Variants in COL13A1 observed in about 807,000 individuals in gnomAD.
COL13A1 encodes collagen type XIII alpha 1 chain.
COL13A1 carries 89 observed loss-of-function variants against 130.9 expected under a neutral mutation model. The ratio of observed to expected loss-of-function variants is 0.68; its 90% CI spans 0.57 to 0.81. The LOEUF (loss-of-function observed/expected upper bound fraction) is 0.81. Ranked by LOEUF, COL13A1 falls within the 30% of genes least tolerant of loss-of-function variation. The probability of loss-of-function intolerance (pLI) is 0.00; values close to 1 mark genes in which losing one functional copy is unlikely to be tolerated. For synonymous variants in COL13A1, 402 were observed against 341.6 expected, an observed-to-expected ratio of 1.18 and a Z score of -1.95; for missense variants, 879 against 934.6, an observed-to-expected ratio of 0.94 and a Z score of 0.78.
At chr10:69,936,117 GA>G (rs2066834930) in intron 32 of COL13A1, among the ~76,000 whole-genome samples, 2 of 81,888 alleles carry the variant, frequency 2.4e-5, no homozygotes, top group Admixed American at 1.2e-4. Flanking sequence ...AGGAAGGAAG[GA>G]AGGAAGGAAA....
chr10:69,810,387 AGT>A (rs1167019038), intron 1 of COL13A1, among the ~76,000 whole-genome samples: 2,383 of 149,396 alleles, frequency 0.016, 31 homozygotes, highest in Non-Finnish European at 0.027. Context: ...AGAGACAGAG[AGT>A]CTGTGTGGCC....
At chr10:69,837,164 C>T (rs951209575) in intron 2 of COL13A1, among the ~76,000 whole-genome samples, 4 of 152,192 alleles carry the variant, frequency 2.6e-5, no homozygotes, top group Admixed American at 2.6e-4. Context: ...GATGTGAGTC[C>T]TTCTCAACAA....
chr10:69,881,403 G>A lies in COL13A1; in HGVS notation c.513+850G>A, dbSNP rs531350932. 3.9e-4 allele frequency among the ~76,000 whole-genome samples: 60 copies of A among 152,296 alleles called. 2 individuals are homozygous for A. In the South Asian group the frequency reaches 0.011, roughly 29 times the overall value. On this transcript the variant is annotated intron_variant, in intron 7 of 40. Coordinates refer to ENST00000645393, the MANE Select transcript of COL13A1 (RefSeq NM_001368882.1). ...CCACCTTCTGCACTTTTCCTGACCC[G>A]CCGTGCTCAGTGAGGGGTGGGAGCA...
At chr10:69,949,840 A>T (rs968729842) in intron 38 of COL13A1, among the ~76,000 whole-genome samples, 1 of 149,610 alleles carries the variant, frequency 6.7e-6, no homozygotes, top group African/African-American at 2.5e-5. Flanking sequence ...CCTGCAAACC[A>T]GCCAGCTGAA....
chr10:69,933,155 A>AAAAAAAAAAAAAAAAAAAAAC (rs2066371502), intron 31 of COL13A1, among the ~76,000 whole-genome samples: 1 of 148,510 alleles, frequency 6.7e-6, no homozygotes, highest in Non-Finnish European at 1.5e-5. Flanking sequence ...AAAAAAAAAA[A>AAAAAAAAAAAAAAAAAAAAAC]AAAAAAAAAA....
chr10:69,823,878 G>A (rs771225253), intron 2 of COL13A1, among the ~76,000 whole-genome samples: 1 of 152,190 alleles, frequency 6.6e-6, no homozygotes, highest in Non-Finnish European at 1.5e-5. Context: ...AATGAGATGG[G>A]GTGGAGGCAA....
At chr10:69,803,081 G>A (rs1347737736) in intron 1 of COL13A1, among the ~76,000 whole-genome samples, 1 of 152,178 alleles carries the variant, frequency 6.6e-6, no homozygotes, top group Non-Finnish European at 1.5e-5. Flanking sequence ...CAGCCGCCCC[G>A]CGCCCGCGCA....
At chr10:69,850,930 T>A (rs1743585020) in intron 2 of COL13A1, among the ~76,000 whole-genome samples, 1 of 152,206 alleles carries the variant, frequency 6.6e-6, no homozygotes, top group Admixed American at 6.5e-5. Flanking sequence ...GACTGACATC[T>A]GAGAGCTATC....
At chr10:69,957,132 G>A in intron 40 of COL13A1, 90 bp downstream of exon 40, 2 of 1,168,234 alleles carry the variant, frequency 1.7e-6, no homozygotes, top group South Asian at 1.2e-5. Context: ...CTACAGATGA[G>A]GCAGCAAGAC....
At chr10:69,913,643 C>T (rs2063613963) in intron 17 of COL13A1, among the ~76,000 whole-genome samples, 1 of 152,188 alleles carries the variant, frequency 6.6e-6, no homozygotes, top group Non-Finnish European at 1.5e-5. Flanking sequence ...CCAGCCACAG[C>T]GACGACGCTG....
chr10:69,817,326 C>A (rs781364131), intron 1 of COL13A1, among the ~76,000 whole-genome samples: 1 of 151,710 alleles, frequency 6.6e-6, no homozygotes, highest in Admixed American at 6.6e-5. Context: ...CTGGCAGGCG[C>A]AGATGCAGAT....
chr10:69,807,269 T>C (rs1453440057), intron 1 of COL13A1, among the ~76,000 whole-genome samples: 2 of 152,164 alleles, frequency 1.3e-5, no homozygotes, highest in Non-Finnish European at 2.9e-5. Flanking sequence ...CCACCCCCTT[T>C]TACAGATGAG....
intron 1 of COL13A1, among the ~76,000 whole-genome samples, chr10:69,807,256 A>T (rs1248675204): frequency 6.6e-6 from 1 of 152,060 alleles, no homozygotes; most frequent in Non-Finnish European, 1.5e-5. Flanking sequence ...ACTGACATTC[A>T]CACCACCCCC....
chr10:69,834,577 A>T (rs1025250594), intron 2 of COL13A1, among the ~76,000 whole-genome samples: 4 of 152,238 alleles, frequency 2.6e-5, no homozygotes, highest in African/African-American at 9.6e-5. Flanking sequence ...CCTATGATGT[A>T]AGGCTATGGC....
In COL13A1 at chr10:69,932,560, G is replaced by A. The variant is rs1565107048; in HGVS notation, c.1684G>A (p.Gly562Arg). 6.2e-7 allele frequency: 1 copy of A among 1,610,954 alleles called. No individual in the cohort carries two copies. Among genetic ancestry groups the A allele is most frequent in the Non-Finnish European group, 8.5e-7 (1 of 1,177,424 alleles). ...KGETGQAGSP[G>R]EKGEAGEKGN... ...ATGCAGTGGTGTTTTGTGCCCACAG[G>A]GAGAGAAAGGAGAAGCCGGGGAGAA... is the stretch of plus-strand genomic sequence containing the variant. The change falls in exon 31 of 41, where the codon GGA becomes AGA. Residue 562 changes from glycine to arginine, a missense_variant and splice_region_variant. Transcript: ENST00000645393.
chr10:69,814,593 C>CACTTAGATTATCCTGCCAGCTG lies in COL13A1; in HGVS notation c.295-7776_295-7775insACTTAGATTATCCTGCCAGCTG, dbSNP rs1843956897. Among the ~76,000 whole-genome samples the CACTTAGATTATCCTGCCAGCTG allele has an allele frequency of 2.0e-5, 3 of 152,344 alleles. No homozygotes were observed. In the South Asian group the frequency reaches 6.2e-4, roughly 32 times the overall value. On this transcript the variant is annotated intron_variant, in intron 1 of 40. Transcript: ENST00000645393. Reference sequence around the variant, plus strand: ...TATCCTGCCAGCTGTCTTGCGTAGTCTAGCAGATCACTTAGATTATCTCCA... The same window carrying CACTTAGATTATCCTGCCAGCTG: ...TATCCTGCCAGCTGTCTTGCGTAGTCACTTAGATTATCCTGCCAGCTGTAGCAGATCACTTAGATTATCTCCA...
rs1402457417 is a variant in COL13A1 at position 69,936,763 on chromosome 10, A to C, written c.1778A>C (p.Gln593Pro). 6.2e-7 allele frequency: 1 copy of C among 1,613,832 alleles called. No homozygotes were observed. The highest frequency in any genetic ancestry group is 1.3e-5 in the African/African-American group (1 of 74,916). Reference protein sequence around the residue: ...PEGPPGPPGLQGVPGPKGEAG... With the variant: ...PEGPPGPPGLPGVPGPKGEAG... Reference sequence around the variant, plus strand: ...GCTTTATTCCAAATGCAGGGGCTCCAAGGTGTTCCTGGACCAAAGGTAAGG... The same window carrying C: ...GCTTTATTCCAAATGCAGGGGCTCCCAGGTGTTCCTGGACCAAAGGTAAGG... The change falls in exon 33 of 41, where the codon CAA becomes CCA. Residue 593 changes from glutamine to proline, a missense_variant. Around this residue, in one of 3 missense-constraint regions of COL13A1, gnomAD observed 96 missense variants for 147.7 expected, o/e 0.65. Coordinates refer to ENST00000645393, the MANE Select transcript of COL13A1 (RefSeq NM_001368882.1).
Position 69,898,752 on chromosome 10 carries a change from G to A in COL13A1, c.740G>A (p.Arg247Gln), listed in dbSNP as rs375424101. 4.3e-5 allele frequency: 70 copies of A among 1,612,792 alleles called. No individual in the cohort carries two copies. Among genetic ancestry groups the A allele is most frequent in the Admixed American group, 8.4e-5 (5 of 59,880 alleles). The stretch of plus-strand genomic sequence containing the variant: ...GCTCCACCCCCGGTCATAAAAAGGC[G>A]GACGTTCCAGGTAGACACCTCCCGT... ...RLAPPPVIKR[R>Q]TFQGEQSQAS... Residue 247 changes from arginine (R) to glutamine (Q), a missense_variant, in exon 14 of 41, where the codon CGG (arginine) becomes CAG (glutamine). By Grantham distance (43) the Arg-to-Gln change is conservative. Around this residue, in one of 3 missense-constraint regions of COL13A1, gnomAD observed 715 missense variants for 721.0 expected, o/e 0.99. Transcript: ENST00000645393.
At chr10:69,814,361 C>T (rs1280377203) in intron 1 of COL13A1, among the ~76,000 whole-genome samples, 5 of 152,298 alleles carry the variant, frequency 3.3e-5, no homozygotes, top group South Asian at 4.1e-4. Context: ...GGAAACTTGA[C>T]CACTTGTCGC....
Sources: gnomAD v4.1 joint callset for allele counts (sites outside exome capture counted in the v4.1 genomes callset) on GRCh38, gnomAD v4.1.1 for gene constraint, gnomAD v4.1.1 regional missense constraint, MANE v1.5 for transcripts, NCBI Gene and HGNC (gene_info 2026-07-23, HGNC 2026-07-21) for gene names.